Variants in STYXL1 observed in about 807,000 individuals in gnomAD.
STYXL1 encodes serine/threonine/tyrosine-interacting-like protein 1.
A neutral mutation model predicts 36.4 loss-of-function variants in STYXL1; 32 were observed. The observed-to-expected ratio is 0.88, with a 90% CI of 0.66 to 1.18. The LOEUF (loss-of-function observed/expected upper bound fraction) is 1.18, where lower values mean the gene tolerates loss of function less well. Among genes scored for constraint, STYXL1 ranks in the 50% most tolerant of loss-of-function variants. The pLI, the probability that STYXL1 is intolerant of heterozygous loss-of-function variation, is 0.00. For missense variants in STYXL1, 354 were observed against 394.1 expected (o/e 0.90, Z 0.86); for synonymous variants, 133 against 144.1 (o/e 0.92, Z 0.55).
At chr7:76,014,692 G>GTCATACAATACATATATCTCAGAACA (rs1793048228) in intron 4 of STYXL1, among the ~76,000 whole-genome samples, 3 of 151,534 alleles carry the variant, frequency 2.0e-5, no homozygotes, top group African/African-American at 7.3e-5. Context: ...ATTGTATGAT[G>GTCATACAATACATATATCTCAGAACA]TCATACAATA....
intron 1 of STYXL1, among the ~76,000 whole-genome samples, chr7:76,034,660 C>CT (rs1311601482): frequency 6.6e-6 from 1 of 152,198 alleles, no homozygotes; most frequent in East Asian, 1.9e-4. Context: ...CCAGGTAACT[C>CT]TATGTGTGGG....
rs1249727479 is a variant in STYXL1, at chr7:75,996,444, C to A, written c.*24G>T. ...TGCCCCCAGGTGAGGCTCTTCAGTA[C>A]CCTTCGGTGGGCCTCGGAGAAGATC... On this transcript the variant is annotated 3_prime_UTR_variant, in exon 9 of 9. Transcript: ENST00000359697. 3 of 1,613,984 alleles carry A rather than the reference C, an allele frequency of 1.9e-6. No homozygotes were observed. The African/African-American group carries it at 4.0e-5, about 22-fold the overall frequency.
intron 1 of STYXL1, among the ~76,000 whole-genome samples, chr7:76,031,520 G>A (rs534101387): frequency 2.2e-4 from 34 of 151,708 alleles, no homozygotes; most frequent in African/African-American, 8.2e-4. Flanking sequence ...TTTGAGACCA[G>A]CCTGGCCAAC....
chr7:76,042,308 T>G (rs1796540211), intron 1 of STYXL1, among the ~76,000 whole-genome samples: 1 of 151,762 alleles, frequency 6.6e-6, no homozygotes, highest in Non-Finnish European at 1.5e-5. Flanking sequence ...TTCTCTAATT[T>G]TCTATTCTTG....
At position 76,032,998 on chromosome 7, in the gene STYXL1, C is replaced by T. The variant is rs1030963148; in HGVS notation, c.-4-2471G>A. 3.2e-4 allele frequency among the ~76,000 whole-genome samples: 48 copies of T among 152,204 alleles called. 1 individual carries two copies. The highest frequency in any genetic ancestry group is 1.1e-3 in the African/African-American group (44 of 41,532). On this transcript the variant is annotated intron_variant, in intron 1 of 8. Transcript: ENST00000359697. ...CAGATGGCCTCTACGTTAAGGATCC[C>T]GACAGTCATTGTTGGGTGGAGAATC... is the stretch of plus-strand genomic sequence containing the variant.
intron 4 of STYXL1, among the ~76,000 whole-genome samples, chr7:76,016,987 G>A (rs1793449185): frequency 6.6e-6 from 1 of 152,020 alleles, no homozygotes; most frequent in South Asian, 2.1e-4. Flanking sequence ...ATCAACTCAA[G>A]GGCCCATCAA....
intron 5 of STYXL1, among the ~76,000 whole-genome samples, chr7:76,009,888 C>A (rs782440212): frequency 1.3e-5 from 2 of 152,234 alleles, no homozygotes; most frequent in African/African-American, 2.4e-5. Context: ...AACAAGTAAC[C>A]CAATCCAACC....
At chr7:76,005,560 G>T (rs1421948142) in intron 5 of STYXL1, among the ~76,000 whole-genome samples, 156 bp from the exon 6 acceptor site, 2 of 152,162 alleles carry the variant, frequency 1.3e-5, no homozygotes, top group African/African-American at 4.8e-5. Flanking sequence ...TTGGCACACG[G>T]TAACTTGCAT....
At chr7:76,035,101 C>G (rs1554580458) in intron 1 of STYXL1, among the ~76,000 whole-genome samples, 2 of 149,584 alleles carry the variant, frequency 1.3e-5, no homozygotes, top group Admixed American at 1.3e-4. Flanking sequence ...GCCCGATGAC[C>G]TCATTCCCCT....
At chr7:76,020,690 A>G (rs1023589119) in intron 4 of STYXL1, among the ~76,000 whole-genome samples, 1 of 152,120 alleles carries the variant, frequency 6.6e-6, no homozygotes, top group Non-Finnish European at 1.5e-5. Context: ...TAAATAAATG[A>G]GCTGGGTACC....
At chr7:76,020,283 G>A (rs1206376869) in intron 4 of STYXL1, among the ~76,000 whole-genome samples, 1 of 152,214 alleles carries the variant, frequency 6.6e-6, no homozygotes, top group African/African-American at 2.4e-5. Context: ...CTGGTTTTAT[G>A]AAAGGTGGGA....
intron 5 of STYXL1, among the ~76,000 whole-genome samples, chr7:76,012,281 TTTG>T (rs373647563): frequency 6.6e-6 from 1 of 151,812 alleles, no homozygotes; most frequent in African/African-American, 2.4e-5. Context: ...TGATTTTCTT[TTTG>T]TTTTTTTTGG....
chr7:76,046,650 T>C (rs1406394807), intron 1 of STYXL1, among the ~76,000 whole-genome samples: 1 of 144,910 alleles, frequency 6.9e-6, no homozygotes, highest in African/African-American at 2.5e-5. Flanking sequence ...CCCGGCTTTT[T>C]TTTTTTTTTT....
Position 75,997,176 on chromosome 7 carries a change from A to C in STYXL1, c.811-577T>G, listed in dbSNP as rs575038870. Among the ~76,000 whole-genome samples the C allele has an allele frequency of 3.6e-3, 552 of 152,350 alleles. 1 individual carries two copies. Among genetic ancestry groups the C allele is most frequent in the Admixed American group, 7.8e-3 (119 of 15,300 alleles). ...GCCAGGCACAGTGGCTCATGCCTGT[A>C]ATCCTGGCACTTTGGGGGGCCGAGA... is the stretch of plus-strand genomic sequence containing the variant. On this transcript the variant is annotated intron_variant, in intron 8 of 8. Transcript: ENST00000359697.
intron 1 of STYXL1, among the ~76,000 whole-genome samples, chr7:76,040,876 A>C (rs1796418899): frequency 6.6e-6 from 1 of 152,094 alleles, no homozygotes; most frequent in Non-Finnish European, 1.5e-5. Context: ...AAAAGAAAAA[A>C]AAAGCTATTT....
intron 5 of STYXL1, among the ~76,000 whole-genome samples, chr7:76,007,896 CA>C (rs34975812): frequency 0.068 from 7,258 of 107,046 alleles, 526 homozygotes; most frequent in African/African-American, 0.21. Context: ...GCCTGTCTCT[CA>C]AAAAAAAAAA....
chr7:76,008,838 T>C (rs985007878), intron 5 of STYXL1, among the ~76,000 whole-genome samples: 2 of 151,986 alleles, frequency 1.3e-5, no homozygotes, highest in African/African-American at 2.4e-5. Flanking sequence ...AAACCCCATC[T>C]CTACTAAAAA....
chr7:76,042,553 A>G (rs1231105183), intron 1 of STYXL1, among the ~76,000 whole-genome samples: 1 of 150,934 alleles, frequency 6.6e-6, no homozygotes, highest in East Asian at 1.9e-4. Flanking sequence ...ACAGGCACGC[A>G]CTGCCACCTC....
chr7:76,037,912 G>C (rs925812877), intron 1 of STYXL1, among the ~76,000 whole-genome samples: 1 of 150,150 alleles, frequency 6.7e-6, no homozygotes, highest in Non-Finnish European at 1.5e-5. Context: ...GCATGACCAA[G>C]GCTTAAACAT....
Sources: gnomAD v4.1 joint callset for allele counts (sites outside exome capture counted in the v4.1 genomes callset) on GRCh38, gnomAD v4.1.1 for gene constraint, MANE v1.5 for transcripts, NCBI Gene and HGNC (gene_info 2026-07-23, HGNC 2026-07-21) for gene names.